The following MACROD2 variants were observed in gnomAD, a reference collection of about 807,000 sequenced individuals.
MACROD2 encodes mono-ADP ribosylhydrolase 2, also known as ADP-ribose glycohydrolase MACROD2.
MACROD2 carries 36 observed loss-of-function variants against 70.4 expected under a neutral mutation model. The ratio of observed to expected loss-of-function variants is 0.51; its 90% CI spans 0.39 to 0.68. The LOEUF is 0.68. Ranked by LOEUF, MACROD2 falls within the 30% of genes least tolerant of loss-of-function variation. MACROD2 has a pLI of 0.00. For missense variants in MACROD2, 496 were observed against 538.4 expected (o/e 0.92, Z 0.78); for synonymous variants, 172 against 178.8 (o/e 0.96, Z 0.30).
chr20:15,152,926 G>A (rs1028140814), intron 5 of MACROD2, among the ~76,000 whole-genome samples: 1 of 152,084 alleles, frequency 6.6e-6, no homozygotes, highest in Non-Finnish European at 1.5e-5. Flanking sequence ...ATTGAAGTGT[G>A]GTGCCAAGAT....
At chr20:15,497,904 CAT>C in intron 7 of MACROD2, among the ~76,000 whole-genome samples, 1 of 152,154 alleles carries the variant, frequency 6.6e-6, no homozygotes, top group East Asian at 1.9e-4. Flanking sequence ...GACAGGGACT[CAT>C]TAAAAGTATG....
At chr20:14,158,713 G>A (rs1231237503) in intron 3 of MACROD2, among the ~76,000 whole-genome samples, 1 of 152,036 alleles carries the variant, frequency 6.6e-6, no homozygotes, top group African/African-American at 2.4e-5. Flanking sequence ...AAAATCAGTT[G>A]GCTGTAAATA....
intron 5 of MACROD2, among the ~76,000 whole-genome samples, chr20:14,820,357 C>CTTTTTTTTTTTTTTTT (rs11475238): frequency 3.2e-4 from 37 of 116,100 alleles, no homozygotes; most frequent in South Asian, 5.6e-4. Context: ...ATTTTTCTTC[C>CTTTTTTTTTTTTTTTT]TTTTTTTTTT....
intron 10 of MACROD2, among the ~76,000 whole-genome samples, chr20:15,932,729 C>T (rs996387311): frequency 1.3e-5 from 2 of 152,152 alleles, no homozygotes; most frequent in African/African-American, 4.8e-5. Context: ...GCCTTCATTG[C>T]ACCTGACCAG....
chr20:14,849,471 C>T (rs1366643184), intron 5 of MACROD2, among the ~76,000 whole-genome samples: 6 of 152,092 alleles, frequency 3.9e-5, no homozygotes, highest in Non-Finnish European at 7.4e-5. Flanking sequence ...CCAAGCATTA[C>T]GTGATGTCCT....
chr20:15,342,282 C>A (rs2078118473), intron 6 of MACROD2, among the ~76,000 whole-genome samples: 1 of 152,164 alleles, frequency 6.6e-6, no homozygotes. Flanking sequence ...AAATGGCCTC[C>A]AGAAGTTAGA....
chr20:14,635,718 A>T (rs1431047881), intron 4 of MACROD2, among the ~76,000 whole-genome samples: 1 of 152,192 alleles, frequency 6.6e-6, no homozygotes, highest in African/African-American at 2.4e-5. Context: ...CTCTCATATC[A>T]TACTCTTGAG....
At chr20:14,180,490 T>C (rs1176705826) in intron 3 of MACROD2, among the ~76,000 whole-genome samples, 1 of 152,168 alleles carries the variant, frequency 6.6e-6, no homozygotes, top group African/African-American at 2.4e-5. Flanking sequence ...GCTGAGATTT[T>C]CATCTGTTTT....
chr20:16,033,397 T>G (rs2067181185), intron 15 of MACROD2, among the ~76,000 whole-genome samples: 1 of 152,108 alleles, frequency 6.6e-6, no homozygotes, highest in Admixed American at 6.6e-5. Flanking sequence ...TAAATTAAGC[T>G]TCATACATAG....
At chr20:14,037,455 T>C (rs1454532231) in intron 2 of MACROD2, among the ~76,000 whole-genome samples, 1 of 152,224 alleles carries the variant, frequency 6.6e-6, no homozygotes, top group Non-Finnish European at 1.5e-5. Flanking sequence ...TTCATGCAGT[T>C]ATAAACAGAT....
chr20:14,059,576 A>C (rs2053669098), intron 2 of MACROD2, among the ~76,000 whole-genome samples: 1 of 152,140 alleles, frequency 6.6e-6, no homozygotes, highest in African/African-American at 2.4e-5. Context: ...AGCAATATAT[A>C]AGCTGAGACT....
chr20:15,513,456 A>G (rs1353160838), intron 8 of MACROD2, among the ~76,000 whole-genome samples: 1 of 152,196 alleles, frequency 6.6e-6, no homozygotes, highest in Non-Finnish European at 1.5e-5. Flanking sequence ...CACACACATT[A>G]TTACTTTACC....
At chr20:14,354,510 A>G (rs554613709) in intron 3 of MACROD2, among the ~76,000 whole-genome samples, 16 of 152,124 alleles carry the variant, frequency 1.1e-4, no homozygotes, top group Non-Finnish European at 2.2e-4. Context: ...AAAGTGATGG[A>G]TGGACTCTTT....
chr20:14,853,400 G>A (rs1488650776), intron 5 of MACROD2, among the ~76,000 whole-genome samples: 2 of 152,016 alleles, frequency 1.3e-5, no homozygotes, highest in East Asian at 1.9e-4. Context: ...CTGGTTGACT[G>A]GAAATGCTTT....
intron 7 of MACROD2, among the ~76,000 whole-genome samples, chr20:15,461,540 A>G (rs1600445925): frequency 6.6e-6 from 1 of 152,234 alleles, no homozygotes; most frequent in Non-Finnish European, 1.5e-5. Flanking sequence ...TACAAGCTGG[A>G]GTACAGTGGA....
In MACROD2 at chr20:13,995,874, CTG is replaced by C. The variant is rs982616716; in HGVS notation, c.46+72_46+73del. ...GGTTAGGGTGGGGGCGGGGGTCAGG[CTG>C]TGTGTGCCGCGGCGCCCTCCGCCCG... On this transcript the variant is annotated intron_variant, in intron 1 of 17. Transcript: ENST00000684519. The surrounding 1 kb of genome is among the most constrained non-coding windows in gnomAD (Gnocchi z 4.3). The C allele has an allele frequency of 6.7e-7, 1 of 1,503,618 alleles. No individual in the cohort carries two copies. The highest frequency in any genetic ancestry group is 1.4e-5 in the African/African-American group (1 of 72,022). The allele number at this position is 1,503,618 out of a possible 1,614,324, so 93.1% of individuals were successfully genotyped here.
chr20:15,889,548 C>T (rs533525481), intron 10 of MACROD2, among the ~76,000 whole-genome samples: 1 of 152,250 alleles, frequency 6.6e-6, no homozygotes, highest in Non-Finnish European at 1.5e-5. Context: ...TGGTATCAGA[C>T]ATGGTCATCT....
At chr20:15,568,433 C>A (rs950920231) in intron 8 of MACROD2, among the ~76,000 whole-genome samples, 1 of 152,200 alleles carries the variant, frequency 6.6e-6, no homozygotes, top group Non-Finnish European at 1.5e-5. Context: ...CTTGCTCTTA[C>A]CCTATGTCTA....
rs140490396 is a variant in MACROD2 at position 15,201,900 on chromosome 20, T to A, written c.419-28040T>A. On this transcript the variant is annotated intron_variant, in intron 5 of 17. Coordinates refer to ENST00000684519, the MANE Select transcript of MACROD2 (RefSeq NM_001351661.2). The stretch of plus-strand genomic sequence containing the variant: ...GAGATCAGATGTTTAGGATTATACA[T>A]CACATTCTGCCAGAGCTGAACACTG... Among the ~76,000 whole-genome samples, 230 of 152,280 alleles carry A rather than the reference T, an allele frequency of 1.5e-3. 1 individual carries two copies. Among genetic ancestry groups the A allele is most frequent in the African/African-American group, 4.9e-3 (202 of 41,566 alleles).
Sources: gnomAD v4.1 joint callset for allele counts (sites outside exome capture counted in the v4.1 genomes callset) on GRCh38, gnomAD v4.1.1 for gene constraint, Gnocchi (gnomAD v3.1) non-coding constraint, MANE v1.5 for transcripts, NCBI Gene and HGNC (gene_info 2026-07-23, HGNC 2026-07-21) for gene names.